ALOX5AP: variants seen among roughly 807,000 people sequenced by gnomAD.
ALOX5AP encodes arachidonate 5-lipoxygenase activating protein.
ALOX5AP carries 9 observed loss-of-function variants against 18.5 expected under a neutral mutation model. The observed-to-expected ratio is 0.49, with a 90% CI of 0.29 to 0.85. The LOEUF (loss-of-function observed/expected upper bound fraction) is 0.85, where lower values mean the gene tolerates loss of function less well. Among genes scored for constraint, ALOX5AP ranks in the 40% least tolerant of loss-of-function variants. The pLI is 0.08. For synonymous variants in ALOX5AP, 81 were observed against 78.6 expected (o/e 1.03, Z -0.16); for missense variants, 172 against 202.5 (o/e 0.85, Z 0.91).
chr13:30,723,415 C>A (rs1951610005), intron 1 of ALOX5AP, among the ~76,000 whole-genome samples: 1 of 152,140 alleles, frequency 6.6e-6, no homozygotes, highest in South Asian at 2.1e-4. Flanking sequence ...GGTCACCTTA[C>A]CTTAGAGTCA....
intron 4 of ALOX5AP, among the ~76,000 whole-genome samples, chr13:30,763,414 A>G (rs1340856247): frequency 6.6e-6 from 1 of 152,244 alleles, no homozygotes; most frequent in Non-Finnish European, 1.5e-5. Context: ...GGTCTCATGA[A>G]TGTAGATATG....
intron 4 of ALOX5AP, 67 bp downstream of exon 4, chr13:30,756,092 T>C (rs1217904179): frequency 6.7e-7 from 1 of 1,490,120 alleles, no homozygotes; most frequent in Non-Finnish European, 9.4e-7. Context: ...AGAGTGACAA[T>C]TCAAAACAGT....
chr13:30,760,399 T>TGGAACTCAGGGTTCTGGATGCCTGGGC, intron 4 of ALOX5AP, among the ~76,000 whole-genome samples: 1 of 152,110 alleles, frequency 6.6e-6, no homozygotes, highest in African/African-American at 2.4e-5. Flanking sequence ...GATGCCTGGG[T>TGGAACTCAGGGTTCTGGATGCCTGGGC]GGAACTCAGG....
At chr13:30,761,767 G>A (rs1057011889) in intron 4 of ALOX5AP, among the ~76,000 whole-genome samples, 2 of 152,132 alleles carry the variant, frequency 1.3e-5, no homozygotes, top group Non-Finnish European at 2.9e-5. Flanking sequence ...TCACCTCACT[G>A]AGCATGTCTG....
chr13:30,757,556 G>C (rs897440001), intron 4 of ALOX5AP, among the ~76,000 whole-genome samples: 1 of 152,106 alleles, frequency 6.6e-6, no homozygotes, highest in African/African-American at 2.4e-5. Flanking sequence ...AAGAGTGGGG[G>C]TGGAATGTCT....
At chr13:30,759,697 A>G (rs1951925332) in intron 4 of ALOX5AP, among the ~76,000 whole-genome samples, 1 of 152,226 alleles carries the variant, frequency 6.6e-6, no homozygotes, top group East Asian at 1.9e-4. Flanking sequence ...CCAAGTGTGG[A>G]GTATGGTGTT....
upstream of ALOX5AP, among the ~76,000 whole-genome samples, chr13:30,735,165 T>G (rs114729115): frequency 3.5e-3 from 539 of 152,218 alleles, 5 homozygotes; most frequent in African/African-American, 0.012. Context: ...TTTATGCCAC[T>G]CTGTCTGACC....
intron 1 of ALOX5AP, among the ~76,000 whole-genome samples, chr13:30,726,272 G>GGT (rs1202985301): frequency 3.9e-5 from 6 of 152,174 alleles, no homozygotes. Flanking sequence ...TAATTACCAA[G>GGT]GAGAAATTGG....
At chr13:30,750,628 T>C (rs369366313) in intron 2 of ALOX5AP, among the ~76,000 whole-genome samples, 2 of 152,094 alleles carry the variant, frequency 1.3e-5, no homozygotes, top group Admixed American at 6.6e-5. Flanking sequence ...ATGAGAGCAA[T>C]TGTGATAGGC....
At chr13:30,742,859 G>GCCCCCCCCCCCCCCCCCCC (rs11316477) in intron 1 of ALOX5AP, among the ~76,000 whole-genome samples, 11 of 105,958 alleles carry the variant, frequency 1.0e-4, no homozygotes, top group Non-Finnish European at 1.5e-4. Context: ...GACCTTCACC[G>GCCCCCCCCCCCCCCCCCCC]CCCCCCCCCC....
At chr13:30,760,178 A>C (rs1215477133) in intron 4 of ALOX5AP, among the ~76,000 whole-genome samples, 1 of 151,830 alleles carries the variant, frequency 6.6e-6, no homozygotes, top group African/African-American at 2.4e-5. Flanking sequence ...TGAAAAGAAC[A>C]GATTTTTAAA....
At chr13:30,745,390 C>T (rs17239130) in intron 2 of ALOX5AP, among the ~76,000 whole-genome samples, 2,176 of 152,272 alleles carry the variant, frequency 0.014, 65 homozygotes, top group African/African-American at 0.05. Context: ...GCCCCTTGCC[C>T]TCTGTGGGCA....
At chr13:30,717,061 G>A (rs980520841) in intron 1 of ALOX5AP, among the ~76,000 whole-genome samples, 7 of 152,216 alleles carry the variant, frequency 4.6e-5, no homozygotes, top group Non-Finnish European at 8.8e-5. Flanking sequence ...CCATGCGGCC[G>A]ATCTGTTCCC....
chr13:30,744,582 G>A lies in ALOX5AP; in HGVS notation c.170+423G>A, dbSNP rs12429469. 6.7e-3 allele frequency among the ~76,000 whole-genome samples: 1,022 copies of A among 152,230 alleles called. 48 individuals are homozygous for A. The highest frequency in any genetic ancestry group is 0.061 in the Admixed American group (925 of 15,286). On this transcript the variant is annotated intron_variant, in intron 2 of 4. Transcript: ENST00000380490. The stretch of plus-strand genomic sequence containing the variant: ...ACTCACCCACCCCTTGCTCCCCTGC[G>A]GGTGGAAGTCTGGAGGTGACACCAC...
intron 1 of ALOX5AP, among the ~76,000 whole-genome samples, chr13:30,714,614 T>C (rs375602189): frequency 7.0e-6 from 1 of 143,030 alleles, no homozygotes; most frequent in East Asian, 2.1e-4. Flanking sequence ...GGTGGGGAGT[T>C]CTTGAGCCAG....
intron 1 of ALOX5AP, among the ~76,000 whole-genome samples, chr13:30,717,006 C>T (rs1346165149): frequency 6.6e-6 from 1 of 152,178 alleles, no homozygotes; most frequent in Non-Finnish European, 1.5e-5. Context: ...GCCTTGGTGT[C>T]CAGGGTCTTT....
chr13:30,726,677 G>A (rs557099278), intron 1 of ALOX5AP, among the ~76,000 whole-genome samples: 90 of 152,220 alleles, frequency 5.9e-4, no homozygotes, highest in African/African-American at 2.0e-3. Flanking sequence ...ATGTATTTGT[G>A]CATATATTAA....
chr13:30,745,923 A>G (rs757059782), intron 2 of ALOX5AP, among the ~76,000 whole-genome samples: 24 of 152,250 alleles, frequency 1.6e-4, no homozygotes, highest in Non-Finnish European at 1.8e-4. Context: ...TTGTGTTCCT[A>G]TGGACTCCTC....
chr13:30,717,970 T>TC (rs1022369674), intron 1 of ALOX5AP, among the ~76,000 whole-genome samples: 1 of 151,086 alleles, frequency 6.6e-6, no homozygotes, highest in Non-Finnish European at 1.5e-5. Context: ...TTTTTCTTTT[T>TC]TTTTTTGAGA....
Sources: gnomAD v4.1 joint callset for allele counts (sites outside exome capture counted in the v4.1 genomes callset) on GRCh38, gnomAD v4.1.1 for gene constraint, MANE v1.5 for transcripts, NCBI Gene and HGNC (gene_info 2026-07-23, HGNC 2026-07-21) for gene names.